ARAP1: variants seen among roughly 807,000 people sequenced by gnomAD.
ARAP1 encodes ArfGAP with RhoGAP domain, ankyrin repeat and PH domain 1, also known as arf-GAP with Rho-GAP domain, ANK repeat and PH domain-containing protein 1.
Under a neutral mutation model 172.2 loss-of-function variants are expected in ARAP1, and 76 were observed. The observed-to-expected ratio is 0.44, with a 90% confidence interval of 0.37 to 0.53. ARAP1 has a LOEUF of 0.53. Ranked by LOEUF, ARAP1 falls within the 20% of genes least tolerant of loss-of-function variation. The pLI is 0.00. For synonymous variants in ARAP1, 804 were observed against 803.3 expected, an observed-to-expected ratio of 1.00 and a Z score of -0.01; for missense variants, 1,686 against 1,977.5, an observed-to-expected ratio of 0.85 and a Z score of 2.80.
intron 12 of ARAP1, 149 bp from the exon 13 acceptor site, chr11:72,706,039 C>T (rs949813973): frequency 8.7e-6 from 6 of 690,810 alleles, no homozygotes; most frequent in Admixed American, 2.7e-5. Flanking sequence ...GGAATCCAGC[C>T]GTGTACTCTT....
chr11:72,739,645 C>A (rs543410736), intron 1 of ARAP1, among the ~76,000 whole-genome samples: 16 of 152,202 alleles, frequency 1.1e-4, no homozygotes, highest in African/African-American at 3.4e-4. Context: ...TCACTCCCTG[C>A]CTCCTAGAGC....
At chr11:72,750,949 G>A (rs767754861) in intron 1 of ARAP1, among the ~76,000 whole-genome samples, 41 of 152,202 alleles carry the variant, frequency 2.7e-4, no homozygotes, top group Non-Finnish European at 3.7e-4. Flanking sequence ...AGAGGGTTGG[G>A]AGGAGGATTA....
chr11:72,685,962 C>A (rs769758846), intron 34 of ARAP1, 80 bp downstream of exon 34: 1 of 1,610,956 alleles, frequency 6.2e-7, no homozygotes, highest in Admixed American at 1.7e-5. Context: ...GCAATCAGGG[C>A]AATCATCTAC....
Position 72,710,651 on chromosome 11 carries a change from C to A in ARAP1, c.1214-64G>T. On this transcript the variant is annotated intron_variant, in intron 9 of 34. Transcript: ENST00000393609. The surrounding 1 kb of genome is among the most constrained non-coding windows in gnomAD (Gnocchi z 4.3). The stretch of plus-strand genomic sequence containing the variant: ...GGGAGCCCCTCAGGGGTCTCCTGGC[C>A]CTAGGCTCCTCATGCAACACCTCCT... The A allele has an allele frequency of 6.8e-7, 1 of 1,473,446 alleles. No individual in the cohort carries two copies. The highest frequency in any genetic ancestry group is 9.1e-7 in the Non-Finnish European group (1 of 1,103,478). The allele number at this position is 1,473,446 out of a possible 1,614,324, so 91.3% of individuals were successfully genotyped here.
rs746626571 is a variant in ARAP1 at position 72,726,686 on chromosome 11, C to T, written c.443G>A (p.Arg148Gln). Residue 148 changes from arginine to glutamine, a missense_variant, in exon 3 of 35, where the codon CGG (arginine) becomes CAG (glutamine). By Grantham distance (43) the Arg-to-Gln change is conservative. Coordinates refer to ENST00000393609, the MANE Select transcript of ARAP1 (RefSeq NM_001040118.3). This position sits in a 1 kb window ranked among gnomAD's most constrained non-coding sequence, Gnocchi z 6.5. ...DPVLPPLPAK[R>Q]HLAELSVPPV... ...TGGAACGCTCAGCTCTGCCAAATGC[C>T]GCTTAGCAGGCAGCGGGGGCAGCAC... 4.5e-6 allele frequency: 7 copies of T among 1,546,296 alleles called. No homozygotes were observed. The highest frequency in any genetic ancestry group is 3.6e-5 in the South Asian group (3 of 83,456).
At chr11:72,700,335 G>A (rs750398641) in intron 16 of ARAP1, 2 of 152,506 alleles carry the variant, frequency 1.3e-5, no homozygotes, top group Non-Finnish European at 2.9e-5. Flanking sequence ...ATCTCTTTGG[G>A]AGTTGGAGGG....
chr11:72,693,324 C>T lies in ARAP1; in HGVS notation c.3954+1G>A, dbSNP rs372533054. 6.2e-7 allele frequency: 1 copy of T among 1,613,396 alleles called. No individual in the cohort carries two copies. The highest frequency in any genetic ancestry group is 1.3e-5 in the African/African-American group (1 of 74,898). On this transcript the variant is annotated splice_donor_variant, in intron 29 of 34. Coordinates refer to ENST00000393609, the MANE Select transcript of ARAP1 (RefSeq NM_001040118.3). LOFTEE classifies it high-confidence loss of function. This position sits in a 1 kb window ranked among gnomAD's most constrained non-coding sequence, Gnocchi z 4.6. ...GGGCAGAACCCAGCGGGGCCACTTA[C>T]CCGGACCTCCTTGTAGAGCCGCAAG...
chr11:72,685,558 T>C lies in ARAP1; in HGVS notation c.*106A>G. 6.7e-7 allele frequency: 1 copy of C among 1,481,946 alleles called. No homozygotes were observed. The highest frequency in any genetic ancestry group is 9.4e-7 in the Non-Finnish European group (1 of 1,062,422). 91.8% of individuals were successfully genotyped at this position (1,481,946 alleles called of 1,614,324 possible). A position where few individuals can be genotyped will look rare whatever the true frequency, so the allele number is the denominator to read the frequency against. ...AGGATGTGGGTTGTGGGGTGCAGTT[T>C]CCCATGCACCCCCCGCTGGCTCACA... On this transcript the variant is annotated 3_prime_UTR_variant, in exon 35 of 35. Transcript: ENST00000393609.
chr11:72,688,677 C>A, intron 30 of ARAP1, 140 bp from the exon 31 acceptor site: 1 of 667,098 alleles, frequency 1.5e-6, no homozygotes, highest in Non-Finnish European at 2.6e-6. Context: ...AAGAAGCCTT[C>A]CTGATAAAGC....
chr11:72,742,851 C>T (rs1043317609), intron 1 of ARAP1, among the ~76,000 whole-genome samples: 1 of 152,192 alleles, frequency 6.6e-6, no homozygotes, highest in Non-Finnish European at 1.5e-5. Flanking sequence ...AGTGACTTGC[C>T]ACCTCCCTCA....
chr11:72,702,510 G>A (rs963127756), intron 15 of ARAP1, among the ~76,000 whole-genome samples: 3 of 152,182 alleles, frequency 2.0e-5, no homozygotes, highest in Non-Finnish European at 4.4e-5. Flanking sequence ...TGCCTAGGTG[G>A]GTGACCCACC....
chr11:72,694,911 G>A (rs1459319835), intron 27 of ARAP1, 69 bp downstream of exon 27: 1 of 1,396,148 alleles, frequency 7.2e-7, no homozygotes, highest in African/African-American at 1.4e-5. Flanking sequence ...GGTAGGGGAG[G>A]ACAGACTGGG....
intron 30 of ARAP1, among the ~76,000 whole-genome samples, chr11:72,691,014 C>T (rs1297028834): frequency 6.6e-6 from 1 of 152,254 alleles, no homozygotes; most frequent in Non-Finnish European, 1.5e-5. Flanking sequence ...GAGGTGTTGG[C>T]TGTCTCTGGG....
rs1299398228 is a variant in ARAP1 at position 72,726,952 on chromosome 11, G to A, written c.177C>T (p.Arg59=). ...GGGCACGGAGCAGGCCAGCCAGGATGCGGCGGCGGTGACCAGGGAGTAGCA... is the reference window on the plus strand; with the variant it reads ...GGGCACGGAGCAGGCCAGCCAGGATACGGCGGCGGTGACCAGGGAGTAGCA... ...MGMLLPGHRR[R]ILAGLLRAHT... The change falls in exon 3 of 35, where the codon CGC becomes CGT. Residue 59 remains arginine (R), a synonymous_variant. Transcript: ENST00000393609. The surrounding 1 kb of genome is among the most constrained non-coding windows in gnomAD (Gnocchi z 6.5). 6.3e-7 allele frequency: 1 copy of A among 1,598,864 alleles called. No individual in the cohort carries two copies. Among genetic ancestry groups the A allele is most frequent in the African/African-American group, 1.3e-5 (1 of 74,764 alleles).
rs1305425233 is a variant in ARAP1, at chr11:72,705,886, C to T, written c.1728G>A (p.Glu576=). 1.2e-6 allele frequency: 2 copies of T among 1,614,084 alleles called. No individual in the cohort carries two copies. ...AGACGCCAGCGCCCAGGCCACGGTG[C>T]TCCCCTGTAGACACAGGGCCAGACC... is the stretch of plus-strand genomic sequence containing the variant. ...CVVICKRCAG[E]HRGLGAGVSK... is the part of the protein sequence containing the mutation. Residue 576 remains glutamate, a synonymous_variant, in exon 13 of 35, where the codon GAG becomes GAA. Coordinates refer to ENST00000393609, the MANE Select transcript of ARAP1 (RefSeq NM_001040118.3).
At chr11:72,713,585 T>C (rs113395020) in intron 4 of ARAP1, among the ~76,000 whole-genome samples, 2,303 of 152,158 alleles carry the variant, frequency 0.015, 45 homozygotes, top group African/African-American at 0.049. Context: ...CGGTGGCTCA[T>C]GCCTGTAATC....
chr11:72,728,398 C>G (rs1298797995), intron 2 of ARAP1, among the ~76,000 whole-genome samples: 1 of 151,938 alleles, frequency 6.6e-6, no homozygotes, highest in South Asian at 2.1e-4. Context: ...CTGGGCAATA[C>G]AGTGAAACCC....
chr11:72,693,980 A>C lies in ARAP1; in HGVS notation c.3695-175T>G, dbSNP rs1228375718. On this transcript the variant is annotated intron_variant, in intron 27 of 34. Coordinates refer to ENST00000393609, the MANE Select transcript of ARAP1 (RefSeq NM_001040118.3). The surrounding 1 kb of genome is among the most constrained non-coding windows in gnomAD (Gnocchi z 4.6). ...TTCCCATGACCAAGCTTCAGGCTTG[A>C]CACACCTGGCTGTGACCAAAGCTGC... 1.3e-5 allele frequency among the ~76,000 whole-genome samples: 2 copies of C among 152,058 alleles called. No homozygotes were observed. The highest frequency in any genetic ancestry group is 4.8e-5 in the African/African-American group (2 of 41,372).
intron 3 of ARAP1, among the ~76,000 whole-genome samples, chr11:72,718,846 G>C (rs1857394609): frequency 6.6e-6 from 1 of 152,188 alleles, no homozygotes; most frequent in Non-Finnish European, 1.5e-5. Flanking sequence ...GAAGTTGAGA[G>C]GCAGACCATG....
Sources: allele counts gnomAD v4.1 joint callset (sites outside exome capture counted in the v4.1 genomes callset), GRCh38; gene constraint gnomAD v4.1.1; non-coding constraint Gnocchi (gnomAD v3.1); transcripts MANE v1.5; gene names NCBI Gene and HGNC (gene_info 2026-07-23, HGNC 2026-07-21).